Variants in CPNE8 observed in about 807,000 individuals in gnomAD.
CPNE8 encodes copine-8.
In CPNE8, 45 loss-of-function variants were observed where a neutral mutation model predicts 81.5. The observed-to-expected ratio is 0.55, with a 90% CI of 0.44 to 0.71. The LOEUF is 0.71. Ranked by LOEUF, CPNE8 falls within the 30% of genes least tolerant of loss-of-function variation. CPNE8 has a pLI of 0.00. For missense variants in CPNE8, 594 were observed against 672.1 expected (o/e 0.88, Z 1.28); for synonymous variants, 252 against 226.3 (o/e 1.11, Z -1.02).
At chr12:38,905,671 G>C (rs563878322), upstream of CPNE8, 3 of 1,472,716 alleles carry the variant, frequency 2.0e-6, no homozygotes, top group South Asian at 4.0e-5. Context: ...CGCGGGATGG[G>C]GGAGGGAAGG....
intron 6 of CPNE8, among the ~76,000 whole-genome samples, chr12:38,786,160 A>G (rs1292732800): frequency 6.6e-6 from 1 of 152,220 alleles, no homozygotes; most frequent in Non-Finnish European, 1.5e-5. Context: ...TGTTGCCTAG[A>G]AGAAACACAC....
intron 19 of CPNE8, among the ~76,000 whole-genome samples, chr12:38,662,974 TA>T (rs969798854): frequency 4.6e-5 from 7 of 151,652 alleles, no homozygotes; most frequent in Non-Finnish European, 8.8e-5. Flanking sequence ...TCTATCACCA[TA>T]AAAAAAATCA....
rs148055559 is a variant in CPNE8, at chr12:38,671,047, G to C, written c.1433-245C>G. 2.3e-3 allele frequency: 933 copies of C among 403,328 alleles called. 8 individuals carry two copies. The highest frequency in any genetic ancestry group is 0.019 in the East Asian group (394 of 20,286). 25.0% of individuals were successfully genotyped at this position (403,328 alleles called of 1,614,324 possible). A position where few individuals can be genotyped will look rare whatever the true frequency, so the allele number is the denominator to read the frequency against. On this transcript the variant is annotated intron_variant, in intron 18 of 19. Coordinates refer to ENST00000331366, the MANE Select transcript of CPNE8 (RefSeq NM_153634.3). Reference sequence around the variant, plus strand: ...TGAAAGGTGAGCAGAGCCAGTCTCTGGGTCTATCTCTTTGTAGACCCTGTG... The same window carrying C: ...TGAAAGGTGAGCAGAGCCAGTCTCTCGGTCTATCTCTTTGTAGACCCTGTG...
At chr12:38,680,313 AT>A (rs1300185013) in intron 16 of CPNE8, among the ~76,000 whole-genome samples, 2 of 152,028 alleles carry the variant, frequency 1.3e-5, no homozygotes, top group African/African-American at 2.4e-5. Flanking sequence ...AAGTAGTTCA[AT>A]TATGATTTGC....
At chr12:38,872,702 T>C (rs1944010333) in intron 3 of CPNE8, among the ~76,000 whole-genome samples, 1 of 152,214 alleles carries the variant, frequency 6.6e-6, no homozygotes, top group South Asian at 2.1e-4. Context: ...AAATAAGACT[T>C]AACCCACAAA....
intron 10 of CPNE8, among the ~76,000 whole-genome samples, chr12:38,756,352 C>CT (rs5797594): frequency 0.1 from 13,542 of 135,096 alleles, 1,295 homozygotes; most frequent in East Asian, 0.31. Flanking sequence ...GCATTTTCCA[C>CT]TTTTTTTTTT....
chr12:38,740,909 TGAG>T (rs1394472010), intron 10 of CPNE8, among the ~76,000 whole-genome samples: 1 of 152,156 alleles, frequency 6.6e-6, no homozygotes, highest in Non-Finnish European at 1.5e-5. Context: ...CCTCATAAAA[TGAG>T]TTAGGGAGGA....
chr12:38,888,035 T>A (rs932255470), intron 1 of CPNE8, among the ~76,000 whole-genome samples: 15 of 152,222 alleles, frequency 9.9e-5, no homozygotes, highest in African/African-American at 3.4e-4. Flanking sequence ...ATGGATCACT[T>A]GTCCAAGAAG....
intron 7 of CPNE8, among the ~76,000 whole-genome samples, chr12:38,775,266 A>G (rs1592077819): frequency 6.6e-6 from 1 of 152,204 alleles, no homozygotes; most frequent in Admixed American, 6.5e-5. Context: ...GATTACAGGC[A>G]TGAGCCACCA....
intron 6 of CPNE8, among the ~76,000 whole-genome samples, chr12:38,802,843 G>A (rs1168394493): frequency 0.011 from 1,554 of 142,684 alleles, 25 homozygotes; most frequent in African/African-American, 0.038. Flanking sequence ...CGATCCCACA[G>A]AAATACAAAC....
chr12:38,677,371 A>T, intron 17 of CPNE8, 81 bp downstream of exon 17: 1 of 768,528 alleles, frequency 1.3e-6, no homozygotes. Flanking sequence ...TTTTATTGTT[A>T]ACTAGAATAG....
At chr12:38,728,652 T>C (rs765134422) in intron 11 of CPNE8, among the ~76,000 whole-genome samples, 6 of 152,084 alleles carry the variant, frequency 3.9e-5, no homozygotes, top group Non-Finnish European at 8.8e-5. Flanking sequence ...ATAAGTAGAA[T>C]GGTAGTACCA....
At chr12:38,880,528 T>C (rs1944137233) in intron 1 of CPNE8, among the ~76,000 whole-genome samples, 1 of 152,130 alleles carries the variant, frequency 6.6e-6, no homozygotes, top group African/African-American at 2.4e-5. Flanking sequence ...TCCCTGAGAG[T>C]GACAGCATCA....
chr12:38,768,654 G>C (rs1565605571), intron 7 of CPNE8, among the ~76,000 whole-genome samples: 2 of 151,818 alleles, frequency 1.3e-5, no homozygotes, highest in East Asian at 1.9e-4. Flanking sequence ...TGAGTAGCTG[G>C]GACTACAGGC....
intron 6 of CPNE8, among the ~76,000 whole-genome samples, chr12:38,808,211 T>C (rs1239004130): frequency 6.6e-6 from 1 of 152,194 alleles, no homozygotes; most frequent in African/African-American, 2.4e-5. Context: ...CTCAGGGATC[T>C]AGAACTAGAA....
At chr12:38,748,084 C>T (rs1409462567) in intron 10 of CPNE8, among the ~76,000 whole-genome samples, 4 of 152,092 alleles carry the variant, frequency 2.6e-5, no homozygotes, top group African/African-American at 7.2e-5. Context: ...GATCTCGGCT[C>T]ACTTAAACCT....
intron 6 of CPNE8, among the ~76,000 whole-genome samples, chr12:38,792,782 A>G (rs1942355897): frequency 1.3e-5 from 2 of 152,006 alleles, no homozygotes; most frequent in East Asian, 1.9e-4. Flanking sequence ...TATACAAAGA[A>G]GAGAACGTTA....
chr12:38,709,149 T>G (rs1338561986), intron 13 of CPNE8, among the ~76,000 whole-genome samples: 1 of 152,220 alleles, frequency 6.6e-6, no homozygotes, highest in Non-Finnish European at 1.5e-5. Flanking sequence ...TGTATTCTAG[T>G]TCACACTTTG....
intron 6 of CPNE8, among the ~76,000 whole-genome samples, chr12:38,818,986 T>C (rs1943070880): frequency 6.6e-6 from 1 of 152,188 alleles, no homozygotes; most frequent in Admixed American, 6.5e-5. Context: ...GGTTGTTTGA[T>C]TTTTTCTTGT....
Sources: gnomAD v4.1 joint callset for allele counts (sites outside exome capture counted in the v4.1 genomes callset) on GRCh38, gnomAD v4.1.1 for gene constraint, MANE v1.5 for transcripts, NCBI Gene and HGNC (gene_info 2026-07-23, HGNC 2026-07-21) for gene names.